Variants in MMD2 observed in about 807,000 individuals in gnomAD.
The protein encoded by MMD2 is monocyte to macrophage differentiation factor 2.
A neutral mutation model predicts 33.5 loss-of-function variants in MMD2; 30 were observed. The ratio of observed to expected loss-of-function variants is 0.90; its 90% CI spans 0.67 to 1.22. The LOEUF (loss-of-function observed/expected upper bound fraction) is 1.22. Among genes scored for constraint, MMD2 ranks in the 50% most tolerant of loss-of-function variants. MMD2 has a pLI of 0.00. For synonymous variants in MMD2, 129 were observed against 123.0 expected (o/e 1.05, Z -0.32); for missense variants, 364 against 325.4 (o/e 1.12, Z -0.91).
At chr7:4,893,364 TTTTA>T in the MMD2 span, among the ~76,000 whole-genome samples, 33,051 of 142,882 alleles carry the variant, frequency 0.23, 4,435 homozygotes, top group East Asian at 0.44. Flanking sequence ...TGGTTATTTC[TTTTA>T]TTTATTTATT....
intron 4 of MMD2, among the ~76,000 whole-genome samples, chr7:4,912,566 A>C (rs1268095816): frequency 2.6e-5 from 4 of 152,076 alleles, no homozygotes; most frequent in African/African-American, 9.7e-5. Context: ...TGTCTCAAAA[A>C]AAAAAAAAAG....
intron 1 of MMD2, among the ~76,000 whole-genome samples, chr7:4,928,093 G>GCC (rs1321955600): frequency 6.6e-6 from 1 of 152,172 alleles, no homozygotes; most frequent in African/African-American, 2.4e-5. Flanking sequence ...CATGTCTTCG[G>GCC]CCCACACAGG....
At chr7:4,941,149 T>G (rs973388564) in intron 1 of MMD2, among the ~76,000 whole-genome samples, 1 of 152,114 alleles carries the variant, frequency 6.6e-6, no homozygotes, top group African/African-American at 2.4e-5. Flanking sequence ...TCGGCCTCTG[T>G]GAACATGCCA....
chr7:4,915,381 C>G (rs1004094878), intron 4 of MMD2, among the ~76,000 whole-genome samples: 1 of 151,764 alleles, frequency 6.6e-6, no homozygotes, highest in African/African-American at 2.4e-5. Context: ...ACGTCTATGT[C>G]TATTACACAT....
chr7:4,896,071 G>T, the MMD2 span, among the ~76,000 whole-genome samples: 16 of 152,066 alleles, frequency 1.1e-4, no homozygotes, highest in African/African-American at 3.9e-4. Context: ...AGTAACAAAC[G>T]ATGTTTTTGG....
At chr7:4,913,966 A>AT (rs1785078630) in intron 4 of MMD2, among the ~76,000 whole-genome samples, 1 of 151,856 alleles carries the variant, frequency 6.6e-6, no homozygotes, top group Non-Finnish European at 1.5e-5. Flanking sequence ...TGGCAGGTGG[A>AT]TTTTTTAAAT....
downstream of MMD2, among the ~76,000 whole-genome samples, chr7:4,901,743 T>C (rs1237107361): frequency 6.6e-6 from 1 of 152,194 alleles, no homozygotes; most frequent in Non-Finnish European, 1.5e-5. Context: ...ATCCCTGGCT[T>C]CCCTGGCCGG....
intron 2 of MMD2, 56 bp downstream of exon 2, chr7:4,925,395 C>T (rs1429312723): frequency 2.9e-6 from 4 of 1,381,904 alleles, no homozygotes; most frequent in Non-Finnish European, 3.9e-6. Context: ...TTCCCCCACC[C>T]CCCTTCCCCG....
In MMD2 at chr7:4,950,596, C is replaced by T. The variant is rs184485203; in HGVS notation, c.47+8375G>A. ...GGGACCTCAGATAAGTGGAATCATA[C>T]AGTATTTGTCCCCTTGGGGCTGATT... On this transcript the variant is annotated intron_variant, in intron 1 of 6. Transcript: ENST00000401401. Among the ~76,000 whole-genome samples, 5 of 152,258 alleles carry T rather than the reference C, an allele frequency of 3.3e-5. No homozygotes were observed. The South Asian group carries it at 6.2e-4, about 19-fold the overall frequency.
intron 6 of MMD2, 42 bp from the exon 7 acceptor site, chr7:4,907,641 G>C (rs1438780207): frequency 6.2e-7 from 1 of 1,600,774 alleles, no homozygotes; most frequent in African/African-American, 1.3e-5. Flanking sequence ...CAGAGGGGCA[G>C]TCAGTGTGGC....
chr7:4,932,355 C>T (rs983022282), intron 1 of MMD2, among the ~76,000 whole-genome samples: 2 of 152,096 alleles, frequency 1.3e-5, no homozygotes, highest in African/African-American at 4.8e-5. Context: ...TTCTTTCCTC[C>T]CTAAACCTCT....
chr7:4,913,856 T>C (rs1785075638), intron 4 of MMD2, among the ~76,000 whole-genome samples: 1 of 151,546 alleles, frequency 6.6e-6, no homozygotes, highest in South Asian at 2.1e-4. Context: ...AGAGACGGGG[T>C]TTCACCGTGT....
At chr7:4,901,167 G>A (rs935985021), downstream of MMD2, among the ~76,000 whole-genome samples, 1 of 150,252 alleles carries the variant, frequency 6.7e-6, no homozygotes, top group African/African-American at 2.5e-5. Flanking sequence ...TAGGCCGGGT[G>A]TGGTGGCTCA....
chr7:4,955,606 T>C (rs1473746850), intron 1 of MMD2, among the ~76,000 whole-genome samples: 4 of 152,240 alleles, frequency 2.6e-5, no homozygotes, highest in Non-Finnish European at 4.4e-5. Context: ...AAATAATTTG[T>C]TCATATTCAT....
chr7:4,916,631 C>T (rs1328068214), intron 3 of MMD2, among the ~76,000 whole-genome samples: 2 of 152,082 alleles, frequency 1.3e-5, no homozygotes, highest in Admixed American at 6.6e-5. Context: ...GATCCACCCG[C>T]CTCGGTCTCC....
At chr7:4,909,168 T>C (rs1784942215) in intron 6 of MMD2, among the ~76,000 whole-genome samples, 2 of 151,920 alleles carry the variant, frequency 1.3e-5, no homozygotes, top group South Asian at 2.1e-4. Flanking sequence ...CAGATGTGAG[T>C]ACTATTAACA....
Position 4,920,226 on chromosome 7 carries a change from G to T in MMD2, c.235C>A (p.Leu79Ile). 6.3e-7 allele frequency: 1 copy of T among 1,585,108 alleles called. No homozygotes were observed. The highest frequency in any genetic ancestry group is 1.2e-5 in the South Asian group (1 of 86,402). Residue 79 changes from leucine (L) to isoleucine (I), a missense_variant, in exon 3 of 7, where the codon CTC becomes ATC. Coordinates refer to ENST00000401401, the MANE Select transcript of MMD2 (RefSeq NM_198403.4). ...AWIYGLGLCGLFVVSTVFHTI... is the reference protein window; with the variant it reads ...AWIYGLGLCGIFVVSTVFHTI... ...TGAAACACAGTGGACACCACGAAGA[G>T]GCCGCAGAGGCCGAGGCCGTAGATC...
intron 1 of MMD2, among the ~76,000 whole-genome samples, chr7:4,930,725 T>C (rs1382645885): frequency 6.6e-6 from 1 of 150,888 alleles, no homozygotes; most frequent in Non-Finnish European, 1.5e-5. Context: ...CATGTGACGG[T>C]GGAGGCAGAG....
intron 1 of MMD2, among the ~76,000 whole-genome samples, chr7:4,938,848 T>C (rs1785823129): frequency 6.6e-6 from 1 of 152,154 alleles, no homozygotes; most frequent in Admixed American, 6.6e-5. Flanking sequence ...AAAAAACATT[T>C]TAAATAAAGT....
Sources: gnomAD v4.1 joint callset for allele counts (sites outside exome capture counted in the v4.1 genomes callset) on GRCh38, gnomAD v4.1.1 for gene constraint, MANE v1.5 for transcripts, NCBI Gene and HGNC (gene_info 2026-07-23, HGNC 2026-07-21) for gene names.